DTNA: variants seen among roughly 807,000 people sequenced by gnomAD.
DTNA encodes the protein dystrobrevin alpha.
In DTNA, 43 loss-of-function variants were observed where a neutral mutation model predicts 100.7. The observed-to-expected ratio is 0.43, with a 90% confidence interval of 0.33 to 0.55. The LOEUF (loss-of-function observed/expected upper bound fraction) is 0.55, where lower values mean the gene tolerates loss of function less well. Among genes scored for constraint, DTNA ranks in the 20% least tolerant of loss-of-function variants. The pLI is 0.04. For synonymous variants in DTNA, 349 were observed against 347.9 expected (o/e 1.00, Z -0.04); for missense variants, 798 against 953.9 (o/e 0.84, Z 2.15).
Position 34,777,849 on chromosome 18 carries a change from C to T in DTNA, c.148+11808C>T, listed in dbSNP as rs114297697. 8.2e-3 allele frequency among the ~76,000 whole-genome samples: 1,251 copies of T among 152,256 alleles called. 21 individuals are homozygous for T. Among genetic ancestry groups the T allele is most frequent in the African/African-American group, 0.028 (1,172 of 41,546 alleles). ...CTCCACATGTGGGCATTACAATTCACGATGAGATTTGGGTGGGGACACAGA... is the reference window on the plus strand; with the variant it reads ...CTCCACATGTGGGCATTACAATTCATGATGAGATTTGGGTGGGGACACAGA... On this transcript the variant is annotated intron_variant, in intron 3 of 22. Coordinates refer to ENST00000444659, the MANE Select transcript of DTNA (RefSeq NM_001386795.1).
intron 1 of DTNA, among the ~76,000 whole-genome samples, chr18:34,667,781 A>T (rs1769089505): frequency 6.6e-6 from 1 of 152,156 alleles, no homozygotes; most frequent in Non-Finnish European, 1.5e-5. Context: ...AGCCAATTTG[A>T]TCATGGTGGA....
intron 22 of DTNA, among the ~76,000 whole-genome samples, chr18:34,886,306 A>G (rs1603363648): frequency 6.6e-6 from 1 of 152,102 alleles, no homozygotes; most frequent in East Asian, 1.9e-4. Context: ...CTCATTGACC[A>G]CTCTCTATTC....
chr18:34,655,439 G>A (rs928952382), intron 1 of DTNA, among the ~76,000 whole-genome samples: 3 of 152,138 alleles, frequency 2.0e-5, no homozygotes, highest in Non-Finnish European at 4.4e-5. Context: ...TAAAGGAAAT[G>A]GTGGCTAAAG....
intron 8 of DTNA, among the ~76,000 whole-genome samples, chr18:34,820,308 C>A (rs2095681813): frequency 6.6e-6 from 1 of 152,114 alleles, no homozygotes; most frequent in African/African-American, 2.4e-5. Flanking sequence ...TAAGTGAGAG[C>A]AGTCCTTCTA....
intron 1 of DTNA, among the ~76,000 whole-genome samples, chr18:34,573,245 C>T (rs1338103930): frequency 6.6e-6 from 1 of 152,176 alleles, no homozygotes; most frequent in Non-Finnish European, 1.5e-5. Context: ...TGAGAAAGGT[C>T]TGCTGGGCAA....
intron 1 of DTNA, among the ~76,000 whole-genome samples, chr18:34,681,711 C>A (rs1402947384): frequency 6.6e-6 from 1 of 150,924 alleles, no homozygotes; most frequent in Non-Finnish European, 1.5e-5. Context: ...CACACACACA[C>A]ACACACACAC....
At chr18:34,673,635 T>C (rs1347293908) in intron 1 of DTNA, among the ~76,000 whole-genome samples, 2 of 152,170 alleles carry the variant, frequency 1.3e-5, no homozygotes, top group Non-Finnish European at 2.9e-5. Context: ...GAACTGATAT[T>C]GACAGGCAGG....
At chr18:34,524,503 A>G (rs2042428532) in intron 1 of DTNA, among the ~76,000 whole-genome samples, 1 of 152,068 alleles carries the variant, frequency 6.6e-6, no homozygotes, top group South Asian at 2.1e-4. Context: ...AAACCCAGAA[A>G]ACCACTCTCC....
At chr18:34,765,844 T>C (rs902384810) in intron 2 of DTNA, 117 bp from the exon 3 acceptor site, 25 of 983,790 alleles carry the variant, frequency 2.5e-5, no homozygotes, top group Non-Finnish European at 3.7e-5. Flanking sequence ...ATATTTATAT[T>C]CTAATAAAAA....
At chr18:34,623,650 A>T (rs1050096347) in intron 1 of DTNA, among the ~76,000 whole-genome samples, 20 of 152,292 alleles carry the variant, frequency 1.3e-4, no homozygotes, top group African/African-American at 4.8e-4. Flanking sequence ...TCATCCATTC[A>T]ATCAATAAGT....
intron 1 of DTNA, among the ~76,000 whole-genome samples, chr18:34,742,860 A>G (rs777071985): frequency 3.9e-5 from 6 of 152,098 alleles, no homozygotes; most frequent in Middle Eastern, 3.2e-3. Context: ...ATGACATTCA[A>G]TGAATGAATC....
chr18:34,829,148 G>A, intron 10 of DTNA: 1 of 1,613,734 alleles, frequency 6.2e-7, no homozygotes, highest in Non-Finnish European at 8.5e-7. Context: ...AGGGTGCATG[G>A]TACCCATTAA....
chr18:34,750,274 G>A (rs1016796948), intron 1 of DTNA, among the ~76,000 whole-genome samples: 3 of 152,120 alleles, frequency 2.0e-5, no homozygotes, highest in Admixed American at 6.5e-5. Flanking sequence ...TATGTGTCTG[G>A]TTTACATAAA....
chr18:34,515,784 C>T (rs1247546217), intron 1 of DTNA, among the ~76,000 whole-genome samples: 4 of 152,124 alleles, frequency 2.6e-5, no homozygotes, highest in Non-Finnish European at 4.4e-5. Context: ...CCATTTTCTT[C>T]TAACCAGGTC....
upstream of DTNA, among the ~76,000 whole-genome samples, chr18:34,705,898 T>C (rs1262990345): frequency 6.6e-6 from 1 of 152,196 alleles, no homozygotes; most frequent in Non-Finnish European, 1.5e-5. Flanking sequence ...TACCATAGTG[T>C]GCTTATTTTA....
At chr18:34,524,546 T>G (rs904632172) in intron 1 of DTNA, among the ~76,000 whole-genome samples, 13 of 152,294 alleles carry the variant, frequency 8.5e-5, no homozygotes, top group Non-Finnish European at 1.8e-4. Flanking sequence ...ATCTGACTTC[T>G]ATTATAAATA....
At chr18:34,651,424 C>G (rs1451321769) in intron 1 of DTNA, among the ~76,000 whole-genome samples, 1 of 152,104 alleles carries the variant, frequency 6.6e-6, no homozygotes, top group African/African-American at 2.4e-5. Context: ...TGGCCATACC[C>G]CATATGCTAG....
Position 34,890,277 on chromosome 18 carries a change from CAGCCACCTTTTCTCTCTCTT to C in DTNA, c.*2547_*2566del. On this transcript the variant is annotated 3_prime_UTR_variant, in exon 23 of 23. Coordinates refer to ENST00000444659, the MANE Select transcript of DTNA (RefSeq NM_001386795.1). ...CGCCAATGACCAATTTCTGACTAACCAGCCACCTTTTCTCTCTCTTAGCTCCACGTCAGCACTGAGACCAG... is the reference window on the plus strand; with the variant it reads ...CGCCAATGACCAATTTCTGACTAACCAGCTCCACGTCAGCACTGAGACCAG... The C allele has an allele frequency of 6.5e-7, 1 of 1,528,496 alleles. No homozygotes were observed. Among genetic ancestry groups the C allele is most frequent in the South Asian group, 1.2e-5 (1 of 83,322 alleles). 94.7% of individuals were successfully genotyped at this position (1,528,496 alleles called of 1,614,324 possible). A position where few individuals can be genotyped will look rare whatever the true frequency, so the allele number is the denominator to read the frequency against.
chr18:34,758,408 C>T (rs1464806814), intron 2 of DTNA, among the ~76,000 whole-genome samples: 2 of 152,182 alleles, frequency 1.3e-5, no homozygotes, highest in Non-Finnish European at 2.9e-5. Context: ...GCAGGGAAGA[C>T]TTTTATCCAA....
Sources: allele counts gnomAD v4.1 joint callset (sites outside exome capture counted in the v4.1 genomes callset), GRCh38; gene constraint gnomAD v4.1.1; transcripts MANE v1.5; gene names NCBI Gene and HGNC (gene_info 2026-07-23, HGNC 2026-07-21).